The following NDUFC1 variants were observed in gnomAD, a reference collection of about 807,000 sequenced individuals.
NDUFC1 encodes the protein NADH:ubiquinone oxidoreductase subunit C1.
In NDUFC1, 11 loss-of-function variants were observed where a neutral mutation model predicts 11.6. That is an observed-to-expected ratio of 0.95 (90% CI 0.60 to 1.58). The LOEUF (loss-of-function observed/expected upper bound fraction) is 1.58, where lower values mean the gene tolerates loss of function less well. Ranked by LOEUF, NDUFC1 falls within the 40% of genes most tolerant of loss-of-function variation. The pLI is 0.00. For synonymous variants in NDUFC1, 52 were observed against 42.2 expected, an observed-to-expected ratio of 1.23 and a Z score of -0.90; for missense variants, 112 against 93.0, an observed-to-expected ratio of 1.20 and a Z score of -0.84.
intron 1 of NDUFC1, chr4:139,301,406 C>A (rs1345540863): frequency 1.9e-5 from 8 of 425,212 alleles, no homozygotes; most frequent in Admixed American, 4.3e-5. Context: ...GGTTTCCCGG[C>A]AAGCTCCGAA....
intron 3 of NDUFC1, 133 bp downstream of exon 3, chr4:139,295,599 C>T: frequency 1.0e-6 from 1 of 962,224 alleles, no homozygotes. Context: ...TGGGCTGGGC[C>T]TTGGGTCGTC....
At chr4:139,292,130 C>T (rs1745250568) in intron 5 of NDUFC1, among the ~76,000 whole-genome samples, 1 of 152,134 alleles carries the variant, frequency 6.6e-6, no homozygotes, top group Admixed American at 6.5e-5. Flanking sequence ...AGCCACCGCG[C>T]CTGGCAGATT....
intron 1 of NDUFC1, chr4:139,301,509 G>C (rs1745733113): frequency 2.2e-6 from 1 of 449,902 alleles, no homozygotes; most frequent in South Asian, 4.2e-5. Context: ...CATTTTGGCT[G>C]CCTCTGTCGG....
intron 3 of NDUFC1, among the ~76,000 whole-genome samples, chr4:139,295,493 AG>A (rs1419597572): frequency 1.3e-5 from 2 of 152,206 alleles, no homozygotes; most frequent in Non-Finnish European, 2.9e-5. Flanking sequence ...AAGGACCCAA[AG>A]TCCATTTACA....
chr4:139,301,938 C>T (rs1745777907), intron 1 of NDUFC1: 1 of 1,230,962 alleles, frequency 8.1e-7, no homozygotes, highest in South Asian at 1.4e-5. Context: ...GCCCGGGACC[C>T]CGCCTTCATA....
At chr4:139,301,925 C>G in intron 1 of NDUFC1, 1 of 1,349,696 alleles carries the variant, frequency 7.4e-7, no homozygotes, top group Non-Finnish European at 1.0e-6. Context: ...CTGAGCCACT[C>G]CCGCCCGGGA....
chr4:139,295,729 C>A lies in NDUFC1; in HGVS notation c.67+3G>T. 1 of 1,542,636 alleles carries A rather than the reference C, an allele frequency of 6.5e-7. No homozygotes were observed. Among genetic ancestry groups the A allele is most frequent in the Non-Finnish European group, 8.7e-7 (1 of 1,144,396 alleles). ...AGTCGGCCTGCACGAGGAGGATACT[C>A]ACGGCCGCTCGGGAGCCTGGCGGGG... On this transcript the variant is annotated splice_donor_region_variant and intron_variant, in intron 3 of 5. Coordinates refer to ENST00000394223, the MANE Select transcript of NDUFC1 (RefSeq NM_001184989.2).
intron 1 of NDUFC1, chr4:139,301,556 C>T: frequency 1.7e-6 from 1 of 585,038 alleles, no homozygotes. Flanking sequence ...GACGGAGACC[C>T]GTAGTGGGGG....
In NDUFC1 at chr4:139,295,767, GA is replaced by G; in HGVS notation, c.31del (p.Ser11ProfsTer32). Reference protein sequence around the residue: MAPSALLRPLSRLLAPARLPS... With the variant: MAPSALLRPLXRLLAPARLPS... Reference sequence around the variant, plus strand: ...GAGCCTGGCGGGGGCCAGCAGCCGGGAAAGGGGACGCAGCAAGGCGGACGGC... The same window carrying G: ...GAGCCTGGCGGGGGCCAGCAGCCGGGAAGGGGACGCAGCAAGGCGGACGGC... On this transcript the variant is annotated frameshift_variant, in exon 3 of 6. Transcript: ENST00000394223. LOFTEE classifies it high-confidence loss of function. 1.3e-6 allele frequency: 2 copies of G among 1,552,734 alleles called. No homozygotes were observed. Among genetic ancestry groups the G allele is most frequent in the Admixed American group, 2.0e-5 (1 of 49,132 alleles).
At chr4:139,299,382 A>C (rs777061946) in intron 1 of NDUFC1, among the ~76,000 whole-genome samples, 2 of 152,114 alleles carry the variant, frequency 1.3e-5, no homozygotes, top group Non-Finnish European at 2.9e-5. Context: ...GTAGAATTAA[A>C]GTTTGCAAGG....
At chr4:139,300,523 A>C (rs1342597531) in intron 1 of NDUFC1, 1 of 152,260 alleles carries the variant, frequency 6.6e-6, no homozygotes, top group Non-Finnish European at 1.5e-5. Context: ...AAAGTGGCTC[A>C]TATAACTTGA....
chr4:139,293,929 A>ATTT (rs1745339874), intron 4 of NDUFC1, among the ~76,000 whole-genome samples: 2 of 105,580 alleles, frequency 1.9e-5, no homozygotes, highest in Non-Finnish European at 3.8e-5. Context: ...ATGTGGTGTG[A>ATTT]ATTTTTTTTT....
In NDUFC1 at chr4:139,295,858, CG is replaced by C; in HGVS notation, c.-61del. On this transcript the variant is annotated 5_prime_UTR_variant, in exon 3 of 6. Transcript: ENST00000394223. ...AACAGAACCAGCGCCACCTGGCGGC[CG>C]GAAGTGCGGGACTCGAGGGCTCTGC... 6.6e-7 allele frequency: 1 copy of C among 1,515,252 alleles called. No homozygotes were observed. Among genetic ancestry groups the C allele is most frequent in the Non-Finnish European group, 8.9e-7 (1 of 1,125,632 alleles). 93.9% of individuals were successfully genotyped at this position (1,515,252 alleles called of 1,614,324 possible). A position where few individuals can be genotyped will look rare whatever the true frequency, so the allele number is the denominator to read the frequency against.
intron 4 of NDUFC1, among the ~76,000 whole-genome samples, chr4:139,294,301 T>C (rs1745361524): frequency 6.6e-6 from 1 of 152,124 alleles, no homozygotes; most frequent in Non-Finnish European, 1.5e-5. Flanking sequence ...AATGTATTTA[T>C]ACAAACATTG....
chr4:139,300,601 C>G (rs561070435), intron 1 of NDUFC1: 1 of 152,146 alleles, frequency 6.6e-6, no homozygotes, highest in African/African-American at 2.4e-5. Flanking sequence ...AAATGACTTA[C>G]ATTTTTGGAA....
At chr4:139,296,106 G>A (rs1170399058) in intron 2 of NDUFC1, 146 bp from the exon 3 acceptor site, 2 of 431,000 alleles carry the variant, frequency 4.6e-6, no homozygotes, top group Non-Finnish European at 8.2e-6. Flanking sequence ...AGAAAGAAAA[G>A]TGTCGTGCTG....
chr4:139,295,155 G>C lies in NDUFC1; in HGVS notation c.68-9C>G. 1 of 1,611,490 alleles carries C rather than the reference G, an allele frequency of 6.2e-7. No homozygotes were observed. The highest frequency in any genetic ancestry group is 8.5e-7 in the Non-Finnish European group (1 of 1,177,676). On this transcript the variant is annotated splice_polypyrimidine_tract_variant and intron_variant, in intron 3 of 5. Coordinates refer to ENST00000394223, the MANE Select transcript of NDUFC1 (RefSeq NM_001184989.2). ...CTTTGATCGCACTGAAGCTGAAAGG[G>C]GAAGAGGGTCTGTAAATTTGTAACT...
At chr4:139,301,855 C>T in intron 1 of NDUFC1, 1 of 1,577,180 alleles carries the variant, frequency 6.3e-7, no homozygotes, top group Non-Finnish European at 8.6e-7. Context: ...TCCGGGCAAG[C>T]GGTGGGGAGG....
At chr4:139,290,586 C>G (rs988387579) in intron 5 of NDUFC1, among the ~76,000 whole-genome samples, 1 of 151,844 alleles carries the variant, frequency 6.6e-6, no homozygotes, top group South Asian at 2.1e-4. Context: ...AGTCTGTGAT[C>G]GCTATGTTTA....
Sources: gnomAD v4.1 joint callset for allele counts (sites outside exome capture counted in the v4.1 genomes callset) on GRCh38, gnomAD v4.1.1 for gene constraint, MANE v1.5 for transcripts, NCBI Gene and HGNC (gene_info 2026-07-23, HGNC 2026-07-21) for gene names.